Variants in PROS1 observed in about 807,000 individuals in gnomAD.
PROS1 encodes the protein protein S.
A neutral mutation model predicts 75.9 loss-of-function variants in PROS1; 29 were observed. The observed-to-expected ratio is 0.38, with a 90% CI of 0.28 to 0.52. PROS1 has a LOEUF of 0.52. Among genes scored for constraint, PROS1 ranks in the 20% least tolerant of loss-of-function variants. PROS1 has a pLI of 0.83. For missense variants in PROS1, 680 were observed against 810.3 expected (o/e 0.84, Z 1.95); for synonymous variants, 245 against 280.6 (o/e 0.87, Z 1.27).
At chr3:93,891,600 G>A (rs1244962714) in intron 10 of PROS1, among the ~76,000 whole-genome samples, 1 of 152,006 alleles carries the variant, frequency 6.6e-6, no homozygotes, top group East Asian at 1.9e-4. Context: ...AATAGAGATG[G>A]GGTTTCGCCA....
At chr3:93,918,116 CTG>C (rs759954603) in intron 3 of PROS1, among the ~76,000 whole-genome samples, 66 of 152,302 alleles carry the variant, frequency 4.3e-4, no homozygotes, top group Admixed American at 1.6e-3. Flanking sequence ...AATCCGCACT[CTG>C]TATCTAGCTC....
At chr3:93,880,097 G>A (rs567266440) in intron 12 of PROS1, among the ~76,000 whole-genome samples, 3 of 152,236 alleles carry the variant, frequency 2.0e-5, no homozygotes, top group Admixed American at 6.5e-5. Context: ...AATACCACAC[G>A]GAGCCCTTGA....
At chr3:93,954,866 C>A (rs1030996406) in intron 1 of PROS1, among the ~76,000 whole-genome samples, 7 of 151,972 alleles carry the variant, frequency 4.6e-5, no homozygotes, top group South Asian at 2.1e-4. Context: ...CAAAGAACTT[C>A]AACAAATTTA....
intron 10 of PROS1, among the ~76,000 whole-genome samples, chr3:93,891,115 A>C (rs1433941998): frequency 6.6e-6 from 1 of 152,048 alleles, no homozygotes; most frequent in Non-Finnish European, 1.5e-5. Flanking sequence ...AATAGTAATA[A>C]TAGTGATGAT....
At chr3:93,884,639 A>C in intron 12 of PROS1, 89 bp downstream of exon 12, 1 of 1,408,946 alleles carries the variant, frequency 7.1e-7, no homozygotes, top group Non-Finnish European at 9.9e-7. Context: ...TAGATACTCA[A>C]TAATGTTTCA....
At chr3:93,908,384 A>G (rs1273060372) in intron 4 of PROS1, among the ~76,000 whole-genome samples, 2 of 152,176 alleles carry the variant, frequency 1.3e-5, no homozygotes, top group Admixed American at 6.5e-5. Flanking sequence ...AAGAAACACA[A>G]ACAGATCCCA....
intron 2 of PROS1, among the ~76,000 whole-genome samples, chr3:93,926,071 A>T (rs1709011974): frequency 6.6e-6 from 1 of 152,130 alleles, no homozygotes; most frequent in African/African-American, 2.4e-5. Context: ...TACACACTCA[A>T]TATTAATGAG....
intron 6 of PROS1, among the ~76,000 whole-genome samples, chr3:93,904,838 G>A (rs1708649871): frequency 6.6e-6 from 1 of 151,708 alleles, no homozygotes; most frequent in African/African-American, 2.4e-5. Context: ...TTTAGGGATA[G>A]GAAAACAATG....
At chr3:93,934,777 A>G (rs1352880485) in intron 1 of PROS1, among the ~76,000 whole-genome samples, 1 of 152,168 alleles carries the variant, frequency 6.6e-6, no homozygotes, top group African/African-American at 2.4e-5. Context: ...CCACTGGTGG[A>G]ATTAAAAAAA....
At chr3:93,929,979 G>A (rs1709081151) in intron 1 of PROS1, among the ~76,000 whole-genome samples, 1 of 151,916 alleles carries the variant, frequency 6.6e-6, no homozygotes, top group Admixed American at 6.6e-5. Flanking sequence ...GTTGACAATA[G>A]AAGAAAGAAA....
intron 10 of PROS1, among the ~76,000 whole-genome samples, chr3:93,891,353 A>AT (rs762495280): frequency 6.6e-6 from 1 of 152,172 alleles, no homozygotes; most frequent in African/African-American, 2.4e-5. Context: ...AATCCAGTTG[A>AT]TTAAAGTGCT....
At chr3:93,879,774 A>T (rs2107129771) in intron 12 of PROS1, among the ~76,000 whole-genome samples, 1 of 152,358 alleles carries the variant, frequency 6.6e-6, no homozygotes, top group East Asian at 1.9e-4. Context: ...AGAGTTGGAT[A>T]GTTCGATACT....
intron 1 of PROS1, among the ~76,000 whole-genome samples, chr3:93,969,229 T>A (rs1281424016): frequency 6.6e-6 from 1 of 151,612 alleles, no homozygotes; most frequent in Non-Finnish European, 1.5e-5. Context: ...CATCACTTGA[T>A]GATACCTAGG....
chr3:93,878,585 C>A (rs143966911), intron 13 of PROS1, among the ~76,000 whole-genome samples: 1,946 of 152,120 alleles, frequency 0.013, 157 homozygotes, highest in Admixed American at 0.11. Flanking sequence ...TTCTGATAAC[C>A]CTCATATTTC....
At chr3:93,951,660 A>G (rs1309880953) in intron 1 of PROS1, among the ~76,000 whole-genome samples, 1 of 152,230 alleles carries the variant, frequency 6.6e-6, no homozygotes, top group Non-Finnish European at 1.5e-5. Context: ...CGTAAACACC[A>G]TCGATGCTAG....
chr3:93,884,585 T>C, intron 12 of PROS1, 143 bp downstream of exon 12: 1 of 947,084 alleles, frequency 1.1e-6, no homozygotes, highest in Non-Finnish European at 1.6e-6. Flanking sequence ...TTGTAAAAGG[T>C]ATATAATAGT....
chr3:93,916,033 A>G (rs1708842527), intron 3 of PROS1, among the ~76,000 whole-genome samples: 1 of 152,186 alleles, frequency 6.6e-6, no homozygotes, highest in South Asian at 2.1e-4. Flanking sequence ...TATTTTTTAC[A>G]GTTCTGGAGG....
chr3:93,956,221 C>T (rs1229006867), intron 1 of PROS1, among the ~76,000 whole-genome samples: 1 of 151,982 alleles, frequency 6.6e-6, no homozygotes, highest in Non-Finnish European at 1.5e-5. Context: ...TTATGGGAAA[C>T]TTTTGGTTAT....
chr3:93,905,678 A>G, intron 6 of PROS1, 106 bp downstream of exon 6: 3 of 1,201,278 alleles, frequency 2.5e-6, no homozygotes, highest in South Asian at 1.3e-5. Context: ...ATGTGTTAGT[A>G]TAAGCACTTA....
Sources: gnomAD v4.1 joint callset for allele counts (sites outside exome capture counted in the v4.1 genomes callset) on GRCh38, gnomAD v4.1.1 for gene constraint, MANE v1.5 for transcripts, NCBI Gene and HGNC (gene_info 2026-07-23, HGNC 2026-07-21) for gene names.